Variants in OPCML observed in about 807,000 individuals in gnomAD.
OPCML encodes opioid-binding protein/cell adhesion molecule.
Under a neutral mutation model 37.8 loss-of-function variants are expected in OPCML, and 13 were observed. That is an observed-to-expected ratio of 0.34 (90% CI 0.22 to 0.55). OPCML has a LOEUF of 0.55. Among genes scored for constraint, OPCML ranks in the 20% least tolerant of loss-of-function variants. The pLI is 0.91. For missense variants in OPCML, 341 were observed against 435.6 expected (o/e 0.78, Z 1.93); for synonymous variants, 176 against 168.8 (o/e 1.04, Z -0.33).
chr11:133,448,219 T>G (rs910265106), intron 1 of OPCML, among the ~76,000 whole-genome samples: 1 of 152,242 alleles, frequency 6.6e-6, no homozygotes, highest in Non-Finnish European at 1.5e-5. Flanking sequence ...ATGTATGATA[T>G]AAGACAGTGG....
At chr11:132,524,444 C>A (rs1352322620) in intron 4 of OPCML, among the ~76,000 whole-genome samples, 1 of 152,134 alleles carries the variant, frequency 6.6e-6, no homozygotes, top group East Asian at 1.9e-4. Flanking sequence ...AAGTACCATA[C>A]CCTCTAGCAG....
chr11:132,768,521 C>T (rs1433556463), intron 2 of OPCML, among the ~76,000 whole-genome samples: 1 of 152,198 alleles, frequency 6.6e-6, no homozygotes, highest in African/African-American at 2.4e-5. Flanking sequence ...CATATATCTA[C>T]ACTGAGTGCT....
chr11:133,327,131 G>A (rs1485103347), intron 1 of OPCML, among the ~76,000 whole-genome samples: 2 of 143,564 alleles, frequency 1.4e-5, no homozygotes. Context: ...GGGTGTGTGG[G>A]GAGGGTGAGT....
intron 2 of OPCML, among the ~76,000 whole-genome samples, chr11:132,693,216 T>G (rs897302430): frequency 6.6e-6 from 1 of 152,172 alleles, no homozygotes; most frequent in African/African-American, 2.4e-5. Context: ...CAGACGAGAC[T>G]GACAAGGGGA....
At chr11:132,836,895 G>A (rs1209606456) in intron 2 of OPCML, among the ~76,000 whole-genome samples, 1 of 152,130 alleles carries the variant, frequency 6.6e-6, no homozygotes, top group Non-Finnish European at 1.5e-5. Flanking sequence ...GGTAGTTTTG[G>A]AATCCATTTG....
chr11:132,767,447 G>T (rs1946484810), intron 2 of OPCML, among the ~76,000 whole-genome samples: 1 of 152,160 alleles, frequency 6.6e-6, no homozygotes, highest in Non-Finnish European at 1.5e-5. Flanking sequence ...CCTGAAGCCG[G>T]CACCAAAAGT....
intron 1 of OPCML, among the ~76,000 whole-genome samples, chr11:133,033,414 A>T (rs934281321): frequency 2.6e-5 from 4 of 152,214 alleles, no homozygotes; most frequent in African/African-American, 9.6e-5. Context: ...GACGTCTTCA[A>T]TACCACCTAG....
At chr11:132,713,159 C>A (rs1288477970) in intron 2 of OPCML, among the ~76,000 whole-genome samples, 1 of 152,094 alleles carries the variant, frequency 6.6e-6, no homozygotes, top group Non-Finnish European at 1.5e-5. Flanking sequence ...AATGTAATGT[C>A]ATCCAGAACA....
chr11:132,518,999 T>A lies in OPCML; in HGVS notation c.505+10062A>T, dbSNP rs534158722. Among the ~76,000 whole-genome samples the A allele has an allele frequency of 1.1e-4, 16 of 152,308 alleles. No individual in the cohort carries two copies. In the South Asian group the frequency reaches 3.1e-3, roughly 30 times the overall value. Reference sequence around the variant, plus strand: ...ATACAAGTGATATCCATTCTCATATTTATTCTCTAAAATGCCCAGTGAAGA... The same window carrying A: ...ATACAAGTGATATCCATTCTCATATATATTCTCTAAAATGCCCAGTGAAGA... On this transcript the variant is annotated intron_variant, in intron 4 of 7. Coordinates refer to ENST00000524381, the MANE Select transcript of OPCML (RefSeq NM_001012393.5).
At chr11:132,667,029 G>A (rs1942256127) in intron 2 of OPCML, among the ~76,000 whole-genome samples, 1 of 152,226 alleles carries the variant, frequency 6.6e-6, no homozygotes, top group Non-Finnish European at 1.5e-5. Flanking sequence ...GCTTGAGGGA[G>A]CTAGAGTGAA....
At chr11:132,985,496 G>T (rs1170779485) in intron 1 of OPCML, among the ~76,000 whole-genome samples, 1 of 152,162 alleles carries the variant, frequency 6.6e-6, no homozygotes, top group Non-Finnish European at 1.5e-5. Flanking sequence ...CTTCTGCAAG[G>T]CCAGCAAAAG....
chr11:133,260,336 G>A lies in OPCML; in HGVS notation c.61+271928C>T, dbSNP rs142836078. 2.8e-4 allele frequency among the ~76,000 whole-genome samples: 43 copies of A among 152,240 alleles called. No homozygotes were observed. In the East Asian group the frequency reaches 7.6e-3, roughly 27 times the overall value. ...GCAGAAATGTAAGAGATGACATGGT[G>A]TACATTTGGAAACTGGCCACTGTGT... On this transcript the variant is annotated intron_variant, in intron 1 of 7. Transcript: ENST00000524381.
At chr11:133,328,621 A>C (rs1334290409) in intron 1 of OPCML, among the ~76,000 whole-genome samples, 2 of 152,214 alleles carry the variant, frequency 1.3e-5, no homozygotes, top group African/African-American at 4.8e-5. Flanking sequence ...AAAGGCAAAT[A>C]AGAAACGGCC....
At chr11:132,444,988 C>T (rs1357469612) in intron 4 of OPCML, among the ~76,000 whole-genome samples, 1 of 152,204 alleles carries the variant, frequency 6.6e-6, no homozygotes, top group African/African-American at 2.4e-5. Flanking sequence ...AGGCCAAGCG[C>T]CTGGTCAATG....
intron 1 of OPCML, among the ~76,000 whole-genome samples, chr11:133,079,122 G>T (rs744098): frequency 0.42 from 64,454 of 151,808 alleles, 15,122 homozygotes; most frequent in African/African-American, 0.6. Flanking sequence ...ATTGATCTCC[G>T]GGCCCCTGGC....
In OPCML at chr11:132,907,171, G is replaced by GC. The variant is rs568523602; in HGVS notation, c.146+35754dup. ...CTACGTCACTGACTCCCAACAGGGG[G>GC]CCGCAGCTCCTTTTGCAATATGAAC... On this transcript the variant is annotated intron_variant, in intron 2 of 7. Coordinates refer to ENST00000524381, the MANE Select transcript of OPCML (RefSeq NM_001012393.5). 4.2e-3 allele frequency among the ~76,000 whole-genome samples: 632 copies of GC among 152,232 alleles called. 3 individuals carry two copies. Among genetic ancestry groups the GC allele is most frequent in the Middle Eastern group, 0.014 (4 of 294 alleles).
At chr11:132,977,163 T>C (rs972847985) in intron 1 of OPCML, among the ~76,000 whole-genome samples, 1 of 152,236 alleles carries the variant, frequency 6.6e-6, no homozygotes, top group Non-Finnish European at 1.5e-5. Context: ...ATAATACATG[T>C]GAAAGTGTTT....
intron 3 of OPCML, among the ~76,000 whole-genome samples, chr11:132,583,446 G>T (rs75470688): frequency 7.2e-5 from 11 of 151,834 alleles, no homozygotes; most frequent in Non-Finnish European, 1.3e-4. Context: ...CTACAGGCAC[G>T]TGCCACTGTG....
intron 2 of OPCML, among the ~76,000 whole-genome samples, chr11:132,680,152 G>A (rs1942877781): frequency 6.6e-6 from 1 of 152,124 alleles, no homozygotes; most frequent in South Asian, 2.1e-4. Context: ...GGAGCTGAGT[G>A]GCCGTGATCA....
Sources: allele counts gnomAD v4.1 joint callset (sites outside exome capture counted in the v4.1 genomes callset), GRCh38; gene constraint gnomAD v4.1.1; transcripts MANE v1.5; gene names NCBI Gene and HGNC (gene_info 2026-07-23, HGNC 2026-07-21).